ANKS1B: variants seen among roughly 807,000 people sequenced by gnomAD.
ANKS1B encodes ankyrin repeat and sterile alpha motif domain containing 1B.
A neutral mutation model predicts 148.3 loss-of-function variants in ANKS1B; 36 were observed. That is an observed-to-expected ratio of 0.24 (90% CI 0.19 to 0.32). The LOEUF is 0.32. Ranked by LOEUF, ANKS1B falls within the 10% of genes least tolerant of loss-of-function variation. The pLI is 1.00. For missense variants in ANKS1B, 1,157 were observed against 1,542.6 expected, an observed-to-expected ratio of 0.75 and a Z score of 4.19; for synonymous variants, 542 against 560.8, an observed-to-expected ratio of 0.97 and a Z score of 0.47.
chr12:99,706,439 A>G (rs2055783692), intron 8 of ANKS1B: 1 of 152,092 alleles, frequency 6.6e-6, no homozygotes, highest in Non-Finnish European at 1.5e-5. Flanking sequence ...CCTAAATTGA[A>G]TGCATCAATT....
At chr12:99,963,113 G>A (rs185771438) in intron 1 of ANKS1B, among the ~76,000 whole-genome samples, 8 of 152,140 alleles carry the variant, frequency 5.3e-5, no homozygotes, top group South Asian at 4.2e-4. Context: ...GTGCCCGGCC[G>A]ATGTTGAGCT....
In ANKS1B at chr12:99,450,739, C is replaced by T. The variant is rs184053445; in HGVS notation, c.1439-6930G>A. Among the ~76,000 whole-genome samples, 161 of 152,242 alleles carry T rather than the reference C, an allele frequency of 1.1e-3. 1 individual carries two copies. The highest frequency in any genetic ancestry group is 3.8e-3 in the African/African-American group (159 of 41,558). ...AAGTCATATTTCTCTCTATATAGCT[C>T]TTAGCTTAATGCAATCCTTTTAAAG... On this transcript the variant is annotated intron_variant, in intron 10 of 26. Coordinates refer to ENST00000683438, the MANE Select transcript of ANKS1B (RefSeq NM_001352186.2).
chr12:99,046,264 T>G lies in ANKS1B; in HGVS notation c.2778+6893A>C, dbSNP rs551903291. The stretch of plus-strand genomic sequence containing the variant: ...TCCCAGAGCAATACCCAAAAATATC[T>G]GTAGGAATAAAAAAAAAATCCAGCA... On this transcript the variant is annotated intron_variant, in intron 17 of 26. Transcript: ENST00000683438. Among the ~76,000 whole-genome samples, 3 of 151,954 alleles carry G rather than the reference T, an allele frequency of 2.0e-5. No individual in the cohort carries two copies. The East Asian group carries it at 5.8e-4, about 29-fold the overall frequency.
At chr12:99,450,538 C>T (rs2095714769) in intron 10 of ANKS1B, among the ~76,000 whole-genome samples, 1 of 151,912 alleles carries the variant, frequency 6.6e-6, no homozygotes, top group Admixed American at 6.6e-5. Context: ...TGTTTTTTTT[C>T]TGAGTATTTT....
Position 99,154,723 on chromosome 12 carries a change from C to G in ANKS1B, c.2420-328G>C. The G allele has an allele frequency of 5.6e-6, 8 of 1,439,090 alleles. No homozygotes were observed. In the South Asian group the frequency reaches 1.2e-4, roughly 22 times the overall value. The allele number at this position is 1,439,090 out of a possible 1,614,324, so 89.1% of individuals were successfully genotyped here. Reference sequence around the variant, plus strand: ...TATCAAGCTGTCAGCTTGGGCTGGTCTGCGTTCTATGTGATTGTTGGAGTA... The same window carrying G: ...TATCAAGCTGTCAGCTTGGGCTGGTGTGCGTTCTATGTGATTGTTGGAGTA... On this transcript the variant is annotated intron_variant, in intron 14 of 26. Coordinates refer to ENST00000683438, the MANE Select transcript of ANKS1B (RefSeq NM_001352186.2).
At chr12:98,977,016 C>A (rs905325130) in intron 17 of ANKS1B, among the ~76,000 whole-genome samples, 2 of 152,132 alleles carry the variant, frequency 1.3e-5, no homozygotes, top group Admixed American at 6.5e-5. Context: ...AGGGAAATAT[C>A]GACACTTCTC....
At chr12:98,942,343 TC>T (rs1343937935) in intron 17 of ANKS1B, among the ~76,000 whole-genome samples, 4 of 152,060 alleles carry the variant, frequency 2.6e-5, no homozygotes, top group Non-Finnish European at 5.9e-5. Flanking sequence ...CATTCTGTAG[TC>T]AGGAACAGGC....
intron 8 of ANKS1B, among the ~76,000 whole-genome samples, chr12:99,656,776 A>G (rs941560059): frequency 6.6e-6 from 1 of 152,170 alleles, no homozygotes; most frequent in Non-Finnish European, 1.5e-5. Context: ...GTATATGCAT[A>G]AATAAAAAGA....
intron 17 of ANKS1B, among the ~76,000 whole-genome samples, chr12:99,015,880 AAAAC>A (rs1185114262): frequency 6.6e-6 from 1 of 152,086 alleles, no homozygotes; most frequent in Non-Finnish European, 1.5e-5. Context: ...CAAAAAACAA[AAAAC>A]AAACAAAAAA....
At chr12:99,724,632 T>A (rs2058437508) in intron 8 of ANKS1B, among the ~76,000 whole-genome samples, 1 of 151,858 alleles carries the variant, frequency 6.6e-6, no homozygotes, top group African/African-American at 2.4e-5. Flanking sequence ...TAGGCCAACA[T>A]TAAAATTCAG....
At chr12:99,095,712 T>C (rs146319418) in intron 15 of ANKS1B, among the ~76,000 whole-genome samples, 254 of 152,338 alleles carry the variant, frequency 1.7e-3, no homozygotes, top group Admixed American at 2.8e-3. Context: ...GGATATTTAC[T>C]ATTTATTTTA....
chr12:99,649,172 T>C (rs2098401675), intron 9 of ANKS1B: 2 of 814,434 alleles, frequency 2.5e-6, no homozygotes, highest in Non-Finnish European at 4.1e-6. Flanking sequence ...TATACATTGG[T>C]GGCAACACAA....
At chr12:99,146,366 A>G (rs911746463) in intron 15 of ANKS1B, among the ~76,000 whole-genome samples, 3 of 152,162 alleles carry the variant, frequency 2.0e-5, no homozygotes, top group Admixed American at 6.6e-5. Context: ...TACGCCAGCC[A>G]GACGGCAGGA....
chr12:99,293,297 A>C (rs556113276), intron 12 of ANKS1B, among the ~76,000 whole-genome samples: 1 of 151,952 alleles, frequency 6.6e-6, no homozygotes, highest in East Asian at 1.9e-4. Flanking sequence ...TGGGAATTGA[A>C]CAACGAGAAC....
chr12:99,392,425 T>A (rs1331272434), intron 12 of ANKS1B, among the ~76,000 whole-genome samples: 1 of 152,276 alleles, frequency 6.6e-6, no homozygotes, highest in Non-Finnish European at 1.5e-5. Flanking sequence ...TTGTTTTTGT[T>A]ATTTCTCCCA....
At chr12:99,627,989 T>C (rs983514262) in intron 9 of ANKS1B, among the ~76,000 whole-genome samples, 7 of 152,156 alleles carry the variant, frequency 4.6e-5, no homozygotes, top group African/African-American at 1.4e-4. Flanking sequence ...AGGATGAGGA[T>C]ACATTTTGAG....
At chr12:99,619,820 C>T (rs1343899203) in intron 9 of ANKS1B, among the ~76,000 whole-genome samples, 1 of 152,150 alleles carries the variant, frequency 6.6e-6, no homozygotes, top group Non-Finnish European at 1.5e-5. Flanking sequence ...GCTTGGAGGC[C>T]ACCCACTGGA....
intron 10 of ANKS1B, among the ~76,000 whole-genome samples, chr12:99,489,218 G>C (rs939497671): frequency 1.0e-4 from 15 of 149,586 alleles, no homozygotes; most frequent in African/African-American, 3.2e-4. Flanking sequence ...CTCCAGCCTG[G>C]GTGATAGAGC....
chr12:99,350,472 C>T (rs2152382958), intron 12 of ANKS1B, among the ~76,000 whole-genome samples: 1 of 152,102 alleles, frequency 6.6e-6, no homozygotes, highest in Non-Finnish European at 1.5e-5. Flanking sequence ...AAATCCATCA[C>T]TTCTACAAAC....
Sources: allele counts gnomAD v4.1 joint callset (sites outside exome capture counted in the v4.1 genomes callset), GRCh38; gene constraint gnomAD v4.1.1; transcripts MANE v1.5; gene names NCBI Gene and HGNC (gene_info 2026-07-23, HGNC 2026-07-21).